Variants in TRAPPC9 observed in about 807,000 individuals in gnomAD.
The protein encoded by TRAPPC9 is IKK2 binding protein.
A neutral mutation model predicts 124.0 loss-of-function variants in TRAPPC9; 83 were observed. The observed-to-expected ratio is 0.67, with a 90% CI of 0.56 to 0.80. TRAPPC9 has a LOEUF of 0.80. Ranked by LOEUF, TRAPPC9 falls within the 30% of genes least tolerant of loss-of-function variation. The pLI, the probability that TRAPPC9 is intolerant of heterozygous loss-of-function variation, is 0.00. For missense variants in TRAPPC9, 1,302 were observed against 1,508.3 expected (o/e 0.86, Z 2.27); for synonymous variants, 638 against 617.5 (o/e 1.03, Z -0.49).
intron 17 of TRAPPC9, among the ~76,000 whole-genome samples, chr8:140,101,558 T>TTTTTTA (rs2060580688): frequency 6.8e-6 from 1 of 146,364 alleles, no homozygotes; most frequent in Non-Finnish European, 1.5e-5. Context: ...TTTTTTTTTT[T>TTTTTTA]TGAGACGTAG....
intron 17 of TRAPPC9, among the ~76,000 whole-genome samples, chr8:140,077,056 C>A (rs1339296425): frequency 1.3e-5 from 2 of 151,798 alleles, no homozygotes; most frequent in East Asian, 3.9e-4. Flanking sequence ...GTCCCAGCCA[C>A]TCGGGAGGCT....
intron 21 of TRAPPC9, among the ~76,000 whole-genome samples, chr8:139,841,135 G>C (rs985202618): frequency 6.6e-6 from 1 of 152,150 alleles, no homozygotes; most frequent in East Asian, 1.9e-4. Flanking sequence ...TTTTCCTGCT[G>C]AGGGATTTCC....
chr8:140,145,260 AT>A (rs200553571), intron 17 of TRAPPC9, among the ~76,000 whole-genome samples: 3,073 of 152,094 alleles, frequency 0.02, 36 homozygotes, highest in Middle Eastern at 0.037. Flanking sequence ...TAAGGACAGT[AT>A]TGTTTCTTCC....
chr8:140,083,063 T>C (rs368338914), intron 17 of TRAPPC9, among the ~76,000 whole-genome samples: 32 of 152,240 alleles, frequency 2.1e-4, no homozygotes, highest in Admixed American at 4.6e-4. Context: ...CATGGTGGCA[T>C]GTGCCTGTAG....
Position 140,231,231 on chromosome 8 carries a change from G to A in TRAPPC9, c.2432-9648C>T, listed in dbSNP as rs541815188. On this transcript the variant is annotated intron_variant, in intron 16 of 22. Transcript: ENST00000438773. ...CATGGGAAGCCCAGGACACGCCTCC[G>A]AGGCCAGCATTTCCAGGGACAGTGA... 7.6e-4 allele frequency among the ~76,000 whole-genome samples: 115 copies of A among 152,308 alleles called. 1 individual carries two copies. Among genetic ancestry groups the A allele is most frequent in the African/African-American group, 2.2e-3 (93 of 41,564 alleles).
chr8:140,393,997 T>A (rs2069013541), intron 7 of TRAPPC9, among the ~76,000 whole-genome samples: 1 of 152,222 alleles, frequency 6.6e-6, no homozygotes, highest in Non-Finnish European at 1.5e-5. Context: ...CCTTTCGCCG[T>A]GTCTTTGCTG....
rs553542457 is a variant in TRAPPC9 at position 140,301,797 on chromosome 8, C to T, written c.1623-1183G>A. Among the ~76,000 whole-genome samples, 89 of 152,218 alleles carry T rather than the reference C, an allele frequency of 5.8e-4. 1 individual carries two copies. Among genetic ancestry groups the T allele is most frequent in the East Asian group, 2.1e-3 (11 of 5,168 alleles). On this transcript the variant is annotated intron_variant, in intron 10 of 22. Coordinates refer to ENST00000438773, the MANE Select transcript of TRAPPC9 (RefSeq NM_001160372.4). ...CTGTGAGACACACACTTTAGAGTGACGGGCCAGCCCCCAGCTCTCTCCTTC... is the reference window on the plus strand; with the variant it reads ...CTGTGAGACACACACTTTAGAGTGATGGGCCAGCCCCCAGCTCTCTCCTTC...
intron 21 of TRAPPC9, among the ~76,000 whole-genome samples, chr8:139,734,599 G>C (rs1310299585): frequency 2.0e-5 from 3 of 152,230 alleles, no homozygotes; most frequent in Non-Finnish European, 4.4e-5. Context: ...CCATCCTCAG[G>C]GCTGGAGCTG....
intron 21 of TRAPPC9, among the ~76,000 whole-genome samples, chr8:139,837,499 T>C (rs1322161920): frequency 6.6e-6 from 1 of 151,978 alleles, no homozygotes; most frequent in African/African-American, 2.4e-5. Context: ...AACAACACGC[T>C]CCCCCACCAG....
rs773413993 is a variant in TRAPPC9, at chr8:140,353,319, C to G, written c.1495+6731G>C. ...TGGCCCCCTCCCATCTCATGGGACC[C>G]CCCCCTTTCGTCACTCCTCAGTCTT... On this transcript the variant is annotated intron_variant, in intron 9 of 22. Transcript: ENST00000438773. This position sits in a 1 kb window ranked among gnomAD's most constrained non-coding sequence, Gnocchi z 4.2. Among the ~76,000 whole-genome samples, 5 of 152,026 alleles carry G rather than the reference C, an allele frequency of 3.3e-5. No homozygotes were observed. Among genetic ancestry groups the G allele is most frequent in the Non-Finnish European group, 4.4e-5 (3 of 67,994 alleles).
At chr8:140,057,447 G>A (rs749226711) in intron 17 of TRAPPC9, among the ~76,000 whole-genome samples, 4 of 152,196 alleles carry the variant, frequency 2.6e-5, no homozygotes, top group South Asian at 2.1e-4. Flanking sequence ...CAGTGTTCAC[G>A]GACAGATGAA....
chr8:140,242,404 G>A (rs2063881841), intron 16 of TRAPPC9, among the ~76,000 whole-genome samples: 1 of 152,174 alleles, frequency 6.6e-6, no homozygotes, highest in South Asian at 2.1e-4. Flanking sequence ...CCTTGGGGAA[G>A]AACGGATGGA....
chr8:139,743,003 C>G (rs1422156229), intron 21 of TRAPPC9, among the ~76,000 whole-genome samples: 1 of 152,154 alleles, frequency 6.6e-6, no homozygotes, highest in African/African-American at 2.4e-5. Context: ...ATGCACAAGC[C>G]ATGTCTGCCT....
At chr8:140,211,943 C>T (rs982294831) in intron 17 of TRAPPC9, among the ~76,000 whole-genome samples, 9 of 152,192 alleles carry the variant, frequency 5.9e-5, no homozygotes, top group East Asian at 1.9e-4. Context: ...CAGGTGGGAA[C>T]GGACAGCAGA....
intron 1 of TRAPPC9, among the ~76,000 whole-genome samples, chr8:140,453,197 AC>A (rs1301343374): frequency 6.6e-6 from 1 of 152,146 alleles, no homozygotes; most frequent in Non-Finnish European, 1.5e-5. Flanking sequence ...GTGGGCTGAC[AC>A]TTCCTGAGGG....
chr8:140,184,803 A>G (rs1319041619), intron 17 of TRAPPC9, among the ~76,000 whole-genome samples: 1 of 152,126 alleles, frequency 6.6e-6, no homozygotes, highest in Non-Finnish European at 1.5e-5. Flanking sequence ...AGGTCCATGA[A>G]TTATTACAAA....
chr8:140,311,033 T>C (rs1414698504), intron 10 of TRAPPC9, among the ~76,000 whole-genome samples: 1 of 152,122 alleles, frequency 6.6e-6, no homozygotes, highest in Non-Finnish European at 1.5e-5. Flanking sequence ...GGGCATGGAA[T>C]TGCAGCAGTT....
At chr8:139,923,138 T>A (rs180785963) in intron 19 of TRAPPC9, among the ~76,000 whole-genome samples, 109 of 151,106 alleles carry the variant, frequency 7.2e-4, no homozygotes, top group Non-Finnish European at 1.2e-3. Context: ...GAAAATCTAC[T>A]GAGGGACACC....
intron 17 of TRAPPC9, among the ~76,000 whole-genome samples, chr8:140,025,565 C>CAAAAAAAAAAAAA (rs11329773): frequency 1.6e-5 from 2 of 123,848 alleles, no homozygotes; most frequent in African/African-American, 5.9e-5. Context: ...AAGCAAAATG[C>CAAAAAAAAAAAAA]AAAAAAAAAA....
Sources: allele counts gnomAD v4.1 joint callset (sites outside exome capture counted in the v4.1 genomes callset), GRCh38; gene constraint gnomAD v4.1.1; non-coding constraint Gnocchi (gnomAD v3.1); transcripts MANE v1.5; gene names NCBI Gene and HGNC (gene_info 2026-07-23, HGNC 2026-07-21).